ANGPTL6: variants seen among roughly 807,000 people sequenced by gnomAD.
ANGPTL6 encodes angiopoietin-related protein 6.
In ANGPTL6, 45 loss-of-function variants were observed where a neutral mutation model predicts 47.4. The ratio of observed to expected loss-of-function variants is 0.95; its 90% CI spans 0.75 to 1.22. The LOEUF (loss-of-function observed/expected upper bound fraction) is 1.22, where lower values mean the gene tolerates loss of function less well. ANGPTL6 is among the 50% of genes most tolerant of loss of function. The probability of loss-of-function intolerance (pLI) is 0.00; values close to 1 mark genes in which losing one functional copy is unlikely to be tolerated. For synonymous variants in ANGPTL6, 290 were observed against 295.9 expected (o/e 0.98, Z 0.20); for missense variants, 698 against 669.4 (o/e 1.04, Z -0.47).
intron 5 of ANGPTL6, 23 bp from the exon 6 acceptor site, chr19:10,092,802 T>C: frequency 6.4e-7 from 1 of 1,567,788 alleles, no homozygotes; most frequent in Non-Finnish European, 8.7e-7. Context: ...AGAGAGTCCA[T>C]GTCCTCTCAC....
At position 10,096,149 on chromosome 19, in the gene ANGPTL6, G is replaced by A. The variant is rs2088525199; in HGVS notation, c.415C>T (p.Leu139Phe). 10 of 1,354,532 alleles carry A rather than the reference G, an allele frequency of 7.4e-6. No individual in the cohort carries two copies. The highest frequency in any genetic ancestry group is 9.5e-6 in the Non-Finnish European group (10 of 1,052,720). 83.9% of individuals were successfully genotyped at this position (1,354,532 alleles called of 1,614,324 possible). Residue 139 changes from leucine (L) to phenylalanine (F), a missense_variant, in exon 2 of 6, where the codon CTC becomes TTC. Coordinates refer to ENST00000253109, the MANE Select transcript of ANGPTL6 (RefSeq NM_031917.3). The stretch of plus-strand genomic sequence containing the variant: ...GACGCGTTGAGCACGCGCTCCCCGA[G>A]CAGCGCCAGCGCCGCGGCAGGCTCC... ...GAEPAAALAL[L>F]GERVLNASAE...
chr19:10,105,962 C>T (rs1272532406), upstream of ANGPTL6, among the ~76,000 whole-genome samples: 1 of 152,242 alleles, frequency 6.6e-6, no homozygotes, highest in African/African-American at 2.4e-5. Context: ...ATGATTGCCA[C>T]AGTCATTCCC....
upstream of ANGPTL6, among the ~76,000 whole-genome samples, chr19:10,103,960 GCC>G (rs2088750014): frequency 2.0e-5 from 3 of 151,416 alleles, no homozygotes; most frequent in Middle Eastern, 3.4e-3. Flanking sequence ...GGGTGTGGTG[GCC>G]CATGCCTGTA....
At chr19:10,103,623 AT>A (rs1358104644), upstream of ANGPTL6, among the ~76,000 whole-genome samples, 1 of 23,164 alleles carries the variant, frequency 4.3e-5, no homozygotes, top group Non-Finnish European at 8.0e-5. Flanking sequence ...AAATAAATAA[AT>A]AATAAATAAA....
intron 1 of ANGPTL6, among the ~76,000 whole-genome samples, chr19:10,097,724 G>A (rs2088582478): frequency 6.6e-6 from 1 of 151,834 alleles, no homozygotes; most frequent in African/African-American, 2.4e-5. Flanking sequence ...GTGGTGGCGG[G>A]CACTTGTAGT....
rs1269682921 is a variant in ANGPTL6, at chr19:10,099,845, TTCTCTCTTTCTC to T, written c.-11+2711_-11+2722del. ...TGTCTCTCCCTCTCTCTCTCTCTCT[TTCTCTCTTTCTC>T]TCTCTCTCTCTCTCTCTCTCCCCCA... On this transcript the variant is annotated intron_variant, in intron 1 of 5. Transcript: ENST00000253109. Among the ~76,000 whole-genome samples the T allele has an allele frequency of 5.1e-4, 46 of 89,506 alleles. No homozygotes were observed. In the East Asian group the frequency reaches 8.2e-3, roughly 16 times the overall value. 58.7% of individuals were successfully genotyped at this position (89,506 alleles called of 152,430 possible). A position where few individuals can be genotyped will look rare whatever the true frequency, so the allele number is the denominator to read the frequency against.
At chr19:10,097,453 C>A (rs76079283) in intron 1 of ANGPTL6, among the ~76,000 whole-genome samples, 1,986 of 151,364 alleles carry the variant, frequency 0.013, 36 homozygotes, top group East Asian at 0.078. Flanking sequence ...ACTGGGAATA[C>A]ATTTAGGAAC....
Position 10,096,475 on chromosome 19 carries a change from G to A in ANGPTL6, c.89C>T (p.Thr30Ile). ...GAACTTCTGCGGGGGCAGCACGAAG[G>A]TGTAGGTGCAGCGCGGGGCGCCCGC... ...ARAGAPRCTY[T>I]FVLPPQKFTG... The change falls in exon 2 of 6, where the codon ACC (threonine) becomes ATC (isoleucine). Residue 30 changes from threonine (T) to isoleucine (I), a missense_variant. Transcript: ENST00000253109. The A allele has an allele frequency of 1.3e-6, 2 of 1,505,060 alleles. No homozygotes were observed. The highest frequency in any genetic ancestry group is 2.4e-5 in the South Asian group (2 of 82,178). 93.2% of individuals were successfully genotyped at this position (1,505,060 alleles called of 1,614,324 possible). A position where few individuals can be genotyped will look rare whatever the true frequency, so the allele number is the denominator to read the frequency against.
At chr19:10,100,881 G>A (rs1303866771) in intron 1 of ANGPTL6, among the ~76,000 whole-genome samples, 2 of 152,050 alleles carry the variant, frequency 1.3e-5, no homozygotes, top group African/African-American at 4.8e-5. Flanking sequence ...GCTGACTCAC[G>A]CCTGTAATCC....
intron 1 of ANGPTL6, among the ~76,000 whole-genome samples, chr19:10,101,601 A>C (rs2088680117): frequency 6.6e-6 from 1 of 151,484 alleles, no homozygotes; most frequent in African/African-American, 2.4e-5. Context: ...TGAGGTCGAG[A>C]GTTCAAGACC....
intron 2 of ANGPTL6, 80 bp from the exon 3 acceptor site, chr19:10,095,018 A>C (rs1467026481): frequency 7.3e-7 from 1 of 1,378,916 alleles, no homozygotes; most frequent in Non-Finnish European, 9.7e-7. Context: ...GAAATGGTGG[A>C]TAAATCTCCC....
intron 3 of ANGPTL6, among the ~76,000 whole-genome samples, chr19:10,094,140 CAA>C (rs2088468999): frequency 6.6e-6 from 1 of 151,970 alleles, no homozygotes; most frequent in South Asian, 2.1e-4. Flanking sequence ...AAGGAAATGT[CAA>C]GTCTGGGGTT....
At chr19:10,095,887 T>G in intron 2 of ANGPTL6, 95 bp downstream of exon 2, 1 of 776,744 alleles carries the variant, frequency 1.3e-6, no homozygotes, top group Non-Finnish European at 1.8e-6. Flanking sequence ...GTTTTCAGGG[T>G]TTTGCGGATT....
rs760951646 is a variant in ANGPTL6, at chr19:10,094,818, G to C, written c.703C>G (p.Gln235Glu). The change falls in exon 3 of 6, where the codon CAG becomes GAG. Residue 235 changes from glutamine (Q) to glutamate (E), a missense_variant. Transcript: ENST00000253109. ...EPQRDQTQRQ[Q>E]EPMASPMPAG... ...GGCATGGGAGAAGCCATGGGCTCCT[G>C]CTGTCTCTGGGTCTGGTCTCTCTGG... 4.3e-6 allele frequency: 7 copies of C among 1,614,226 alleles called. No individual in the cohort carries two copies. Among genetic ancestry groups the C allele is most frequent in the Non-Finnish European group, 5.9e-6 (7 of 1,180,038 alleles).
At chr19:10,093,912 C>A (rs1051351138) in intron 3 of ANGPTL6, 32 bp from the exon 4 acceptor site, 1 of 1,596,948 alleles carries the variant, frequency 6.3e-7, no homozygotes, top group Admixed American at 1.7e-5. Flanking sequence ...GGAGGCACAG[C>A]CTGGGCTGAC....
At chr19:10,096,621 C>T in intron 1 of ANGPTL6, 48 bp from the exon 2 acceptor site, 4 of 1,353,344 alleles carry the variant, frequency 3.0e-6, no homozygotes, top group Admixed American at 3.3e-5. Context: ...TGGGGCCCAG[C>T]GAGACCCCTC....
At chr19:10,095,609 A>C (rs1382421887) in intron 2 of ANGPTL6, among the ~76,000 whole-genome samples, 1 of 152,146 alleles carries the variant, frequency 6.6e-6, no homozygotes, top group East Asian at 1.9e-4. Context: ...ACATTCTCTT[A>C]TCCCAAACCC....
At chr19:10,099,763 C>T (rs1395969937) in intron 1 of ANGPTL6, among the ~76,000 whole-genome samples, 2 of 151,626 alleles carry the variant, frequency 1.3e-5, no homozygotes, top group Non-Finnish European at 2.9e-5. Context: ...GTCTCAGCAG[C>T]GCTCCTTGAA....
chr19:10,097,675 A>T (rs929448056), intron 1 of ANGPTL6, among the ~76,000 whole-genome samples: 2 of 151,850 alleles, frequency 1.3e-5, no homozygotes, highest in African/African-American at 2.4e-5. Flanking sequence ...AACACGGTGA[A>T]ACCCCATCTC....
Sources: allele counts gnomAD v4.1 joint callset (sites outside exome capture counted in the v4.1 genomes callset), GRCh38; gene constraint gnomAD v4.1.1; transcripts MANE v1.5; gene names NCBI Gene and HGNC (gene_info 2026-07-23, HGNC 2026-07-21).